AP3B1: variants seen among roughly 807,000 people sequenced by gnomAD.
AP3B1 encodes the protein adaptor related protein complex 3 subunit beta 1.
Under a neutral mutation model 132.5 loss-of-function variants are expected in AP3B1, and 61 were observed. That is an observed-to-expected ratio of 0.46 (90% CI 0.37 to 0.57). The LOEUF (loss-of-function observed/expected upper bound fraction) is 0.57, where lower values mean the gene tolerates loss of function less well. AP3B1 is among the 20% of genes least tolerant of loss of function. The pLI, the probability that AP3B1 is intolerant of heterozygous loss-of-function variation, is 0.00. For synonymous variants in AP3B1, 388 were observed against 438.3 expected (o/e 0.89, Z 1.43); for missense variants, 1,120 against 1,289.4 (o/e 0.87, Z 2.01).
intron 12 of AP3B1, among the ~76,000 whole-genome samples, chr5:78,165,333 G>C (rs980276911): frequency 6.6e-6 from 1 of 152,068 alleles, no homozygotes; most frequent in African/African-American, 2.4e-5. Context: ...AGCACAAAAA[G>C]ATGAAATTCT....
chr5:78,108,792 GT>G (rs1251217709), intron 20 of AP3B1, among the ~76,000 whole-genome samples: 2 of 151,992 alleles, frequency 1.3e-5, no homozygotes, highest in Non-Finnish European at 2.9e-5. Flanking sequence ...GGAGGAAGGG[GT>G]ACAACACAAC....
At chr5:78,080,274 G>A (rs548677245) in intron 22 of AP3B1, among the ~76,000 whole-genome samples, 161 of 152,274 alleles carry the variant, frequency 1.1e-3, no homozygotes, top group African/African-American at 3.7e-3. Context: ...CTCCCAAAGT[G>A]CTGGGATTAC....
intron 2 of AP3B1, among the ~76,000 whole-genome samples, chr5:78,262,412 C>A (rs931062339): frequency 6.6e-6 from 1 of 152,086 alleles, no homozygotes; most frequent in Admixed American, 6.6e-5. Context: ...TGGTGTGATA[C>A]AGAAAGAAAT....
chr5:78,118,682 G>C (rs572739553), intron 17 of AP3B1, among the ~76,000 whole-genome samples: 4 of 152,334 alleles, frequency 2.6e-5, no homozygotes, highest in East Asian at 3.9e-4. Context: ...CAGGAAGCTC[G>C]AACTGGATGG....
chr5:78,211,494 T>C (rs1378649246), intron 7 of AP3B1, among the ~76,000 whole-genome samples: 1 of 152,220 alleles, frequency 6.6e-6, no homozygotes, highest in African/African-American at 2.4e-5. Context: ...ATGTGTTCAT[T>C]TGAGAACTTA....
intron 1 of AP3B1, among the ~76,000 whole-genome samples, chr5:78,290,727 T>C (rs1012186487): frequency 6.6e-6 from 1 of 152,130 alleles, no homozygotes; most frequent in Non-Finnish European, 1.5e-5. Flanking sequence ...GGCAGGCGGA[T>C]TGCTTGAGCC....
Position 78,255,038 on chromosome 5 carries a change from T to C in AP3B1, c.204+12482A>G, listed in dbSNP as rs183411733. On this transcript the variant is annotated intron_variant, in intron 2 of 26. Transcript: ENST00000255194. ...TTAAATTACTATCAGGTTAAAATAA[T>C]GGATTATAAGATAGTATTTGCAAGC... Among the ~76,000 whole-genome samples, 79 of 152,178 alleles carry C rather than the reference T, an allele frequency of 5.2e-4. No individual in the cohort carries two copies. In the Middle Eastern group the frequency reaches 0.01, roughly 20 times the overall value.
Position 78,101,249 on chromosome 5 carries a change from A to C in AP3B1, c.2398-224T>G, listed in dbSNP as rs146760148. 320 of 482,312 alleles carry C rather than the reference A, an allele frequency of 6.6e-4. 2 individuals carry two copies. In the East Asian group the frequency reaches 9.6e-3, roughly 15 times the overall value. 29.9% of individuals were successfully genotyped at this position (482,312 alleles called of 1,614,324 possible). A position where few individuals can be genotyped will look rare whatever the true frequency, so the allele number is the denominator to read the frequency against. The stretch of plus-strand genomic sequence containing the variant: ...AACTCTTAAACTATTTTGTGTTTAA[A>C]AATTATAAATGTCAGAACAAAATTT... On this transcript the variant is annotated intron_variant, in intron 20 of 26. Transcript: ENST00000255194.
At chr5:78,102,406 T>G (rs1751169786) in intron 20 of AP3B1, among the ~76,000 whole-genome samples, 1 of 152,144 alleles carries the variant, frequency 6.6e-6, no homozygotes, top group African/African-American at 2.4e-5. Flanking sequence ...AAAGTAATTA[T>G]TTTTATCACT....
chr5:78,213,318 C>T (rs1001241035), intron 7 of AP3B1, among the ~76,000 whole-genome samples: 1 of 152,196 alleles, frequency 6.6e-6, no homozygotes, highest in Admixed American at 6.5e-5. Flanking sequence ...AAAACAAAAT[C>T]ATAATTAGCA....
At chr5:78,229,243 C>G (rs1001556387) in intron 3 of AP3B1, among the ~76,000 whole-genome samples, 1 of 152,182 alleles carries the variant, frequency 6.6e-6, no homozygotes, top group Non-Finnish European at 1.5e-5. Context: ...GCCTTGAAAA[C>G]AAGTTTTAAA....
intron 24 of AP3B1, among the ~76,000 whole-genome samples, chr5:78,030,529 C>CT (rs1175684782): frequency 4.6e-5 from 7 of 152,006 alleles, no homozygotes; most frequent in African/African-American, 1.7e-4. Flanking sequence ...AGGTAAACTG[C>CT]TTTTTTCTCT....
rs1003294300 is a variant in AP3B1, at chr5:78,294,647, G to A, written c.-68C>T. ...TCTCTCCAAAAGGTTCCAGTCCAGA[G>A]GGCACGGAACAAAACTAGTTCTCGT... On this transcript the variant is annotated 5_prime_UTR_variant, in exon 1 of 27. Transcript: ENST00000255194. 3 of 1,609,406 alleles carry A rather than the reference G, an allele frequency of 1.9e-6. No individual in the cohort carries two copies. The highest frequency in any genetic ancestry group is 2.2e-5 in the East Asian group (1 of 44,856).
intron 22 of AP3B1, among the ~76,000 whole-genome samples, chr5:78,082,594 T>C (rs1385412596): frequency 6.6e-6 from 1 of 152,206 alleles, no homozygotes; most frequent in African/African-American, 2.4e-5. Context: ...GTCACAATGA[T>C]AATAAACACA....
intron 5 of AP3B1, among the ~76,000 whole-genome samples, chr5:78,225,952 G>C (rs973000551): frequency 7.2e-5 from 11 of 151,930 alleles, no homozygotes; most frequent in Admixed American, 3.3e-4. Flanking sequence ...AAAATAACTA[G>C]ATAGCAGTCA....
chr5:78,061,337 T>C (rs187947106), intron 22 of AP3B1, among the ~76,000 whole-genome samples: 50 of 152,194 alleles, frequency 3.3e-4, no homozygotes, highest in African/African-American at 1.2e-3. Flanking sequence ...TCCCTGAGCA[T>C]TTAAAACTAG....
chr5:78,251,115 T>C (rs1747613594), intron 2 of AP3B1, among the ~76,000 whole-genome samples: 4 of 151,962 alleles, frequency 2.6e-5, no homozygotes, highest in Admixed American at 2.6e-4. Context: ...AATCAAAGGG[T>C]TCATTAGTAA....
chr5:78,175,562 G>A, intron 11 of AP3B1, 64 bp downstream of exon 11: 1 of 1,306,202 alleles, frequency 7.7e-7, no homozygotes. Flanking sequence ...GGTGCTAAAA[G>A]CTATAGAAAT....
chr5:78,024,437 T>C (rs1747243505), intron 24 of AP3B1, among the ~76,000 whole-genome samples: 1 of 152,130 alleles, frequency 6.6e-6, no homozygotes, highest in African/African-American at 2.4e-5. Context: ...TCACCCAGGC[T>C]GGAGTGCAGT....
Sources: allele counts gnomAD v4.1 joint callset (sites outside exome capture counted in the v4.1 genomes callset), GRCh38; gene constraint gnomAD v4.1.1; transcripts MANE v1.5; gene names NCBI Gene and HGNC (gene_info 2026-07-23, HGNC 2026-07-21).